Variants in YIPF1 observed in about 807,000 individuals in gnomAD.
YIPF1 encodes the protein protein YIPF1.
In YIPF1, 22 loss-of-function variants were observed where a neutral mutation model predicts 37.0. The ratio of observed to expected loss-of-function variants is 0.59; its 90% CI spans 0.42 to 0.85. The LOEUF (loss-of-function observed/expected upper bound fraction) is 0.85, where lower values mean the gene tolerates loss of function less well. YIPF1 is among the 40% of genes least tolerant of loss of function. The probability of loss-of-function intolerance (pLI) is 0.00; values close to 1 mark genes in which losing one functional copy is unlikely to be tolerated. For missense variants in YIPF1, 355 were observed against 373.1 expected, an observed-to-expected ratio of 0.95 and a Z score of 0.40; for synonymous variants, 128 against 131.9, an observed-to-expected ratio of 0.97 and a Z score of 0.21.
At chr1:53,883,535 CTGAG>C (rs1650560322) in intron 3 of YIPF1, among the ~76,000 whole-genome samples, 1 of 152,150 alleles carries the variant, frequency 6.6e-6, no homozygotes, top group South Asian at 2.1e-4. Flanking sequence ...ATACACAAGC[CTGAG>C]TAAGTAACTA....
intron 4 of YIPF1, among the ~76,000 whole-genome samples, chr1:53,879,155 T>C (rs1650419748): frequency 6.6e-6 from 1 of 151,912 alleles, no homozygotes; most frequent in South Asian, 2.1e-4. Context: ...AGTGCAGTAG[T>C]GCAATCATAG....
chr1:53,859,076 C>T (rs1412414560), intron 10 of YIPF1, among the ~76,000 whole-genome samples: 1 of 152,208 alleles, frequency 6.6e-6, no homozygotes, highest in African/African-American at 2.4e-5. Context: ...GCAGCAAGAT[C>T]ATGTGCAGAG....
chr1:53,871,330 A>G (rs1650185843), intron 7 of YIPF1, 42 bp downstream of exon 7: 1 of 1,574,252 alleles, frequency 6.4e-7, no homozygotes, highest in Non-Finnish European at 8.7e-7. Context: ...ACTCAAAGCT[A>G]GAAACTGACA....
chr1:53,881,310 C>A (rs899724834), intron 4 of YIPF1, among the ~76,000 whole-genome samples: 8 of 150,108 alleles, frequency 5.3e-5, no homozygotes, highest in African/African-American at 1.7e-4. Context: ...TAGGCATGGG[C>A]AAAGATTTCA....
At position 53,878,815 on chromosome 1, in the gene YIPF1, G is replaced by A; in HGVS notation, c.196-93C>T. On this transcript the variant is annotated intron_variant, in intron 4 of 10. Transcript: ENST00000072644. ...AGGAGGGATCTGATCTAATGGAAAA[G>A]CAAAACGTTTGAAACAATAGGCTCT... The A allele has an allele frequency of 1.2e-5, 14 of 1,205,206 alleles. No homozygotes were observed. In the South Asian group the frequency reaches 2.3e-4, roughly 19 times the overall value. The allele number at this position is 1,205,206 out of a possible 1,614,324, so 74.7% of individuals were successfully genotyped here. A position where few individuals can be genotyped will look rare whatever the true frequency, so the allele number is the denominator to read the frequency against.
At chr1:53,872,443 T>C (rs1163790610) in intron 6 of YIPF1, among the ~76,000 whole-genome samples, 1 of 152,200 alleles carries the variant, frequency 6.6e-6, no homozygotes, top group African/African-American at 2.4e-5. Context: ...TTTTCAATGG[T>C]TTTAAGATAT....
intron 4 of YIPF1, among the ~76,000 whole-genome samples, chr1:53,881,008 T>C (rs1489020490): frequency 6.6e-6 from 1 of 152,064 alleles, no homozygotes; most frequent in Admixed American, 6.6e-5. Flanking sequence ...CTCATGCCTG[T>C]AATCCCAGCA....
At chr1:53,853,000 C>T (rs953833163) in intron 10 of YIPF1, among the ~76,000 whole-genome samples, 4 of 152,134 alleles carry the variant, frequency 2.6e-5, no homozygotes, top group African/African-American at 9.7e-5. Flanking sequence ...AAAAATACTT[C>T]AGAGATAGAA....
chr1:53,881,495 T>A (rs1229188626), intron 4 of YIPF1, among the ~76,000 whole-genome samples: 1 of 151,998 alleles, frequency 6.6e-6, no homozygotes, highest in East Asian at 1.9e-4. Context: ...ATATCCAGAG[T>A]CTACAAAGTA....
chr1:53,866,178 G>T, intron 9 of YIPF1, 22 bp downstream of exon 9: 1 of 1,606,846 alleles, frequency 6.2e-7, no homozygotes, highest in Non-Finnish European at 8.5e-7. Flanking sequence ...CACACCAAAA[G>T]AATATACGAC....
intron 6 of YIPF1, among the ~76,000 whole-genome samples, chr1:53,874,375 A>C (rs546638621): frequency 8.7e-4 from 133 of 152,314 alleles, no homozygotes; most frequent in African/African-American, 3.2e-3. Context: ...TATAATTAAA[A>C]TTTCATATTA....
intron 4 of YIPF1, among the ~76,000 whole-genome samples, chr1:53,881,092 G>A (rs1033460652): frequency 2.0e-5 from 3 of 151,782 alleles, no homozygotes; most frequent in Non-Finnish European, 2.9e-5. Context: ...GTGAAACCCC[G>A]TCTCTACTAA....
rs905080267 is a variant in YIPF1 at position 53,861,475 on chromosome 1, G to A, written c.832-1322C>T. Among the ~76,000 whole-genome samples, 7 of 152,226 alleles carry A rather than the reference G, an allele frequency of 4.6e-5. No individual in the cohort carries two copies. In the South Asian group the frequency reaches 6.2e-4, roughly 14 times the overall value. On this transcript the variant is annotated intron_variant, in intron 9 of 10. Coordinates refer to ENST00000072644, the MANE Select transcript of YIPF1 (RefSeq NM_018982.5). Reference sequence around the variant, plus strand: ...GCTATTAGCTCACACTGTGACTTTGGACAAGTCGCTCCACCTGCTTTGGCC... The same window carrying A: ...GCTATTAGCTCACACTGTGACTTTGAACAAGTCGCTCCACCTGCTTTGGCC...
intron 9 of YIPF1, among the ~76,000 whole-genome samples, chr1:53,862,631 A>G (rs1287290626): frequency 6.6e-6 from 1 of 152,140 alleles, no homozygotes. Flanking sequence ...AGGCAAAAAC[A>G]CCAATCCGTG....
At chr1:53,884,320 T>A (rs941230326) in intron 3 of YIPF1, among the ~76,000 whole-genome samples, 1 of 152,106 alleles carries the variant, frequency 6.6e-6, no homozygotes, top group Non-Finnish European at 1.5e-5. Flanking sequence ...TTTAGTATAT[T>A]TCCTTTTCTT....
At chr1:53,881,804 T>C (rs879500564) in intron 4 of YIPF1, among the ~76,000 whole-genome samples, 2 of 152,200 alleles carry the variant, frequency 1.3e-5, no homozygotes, top group Non-Finnish European at 2.9e-5. Flanking sequence ...AGTGTGGCGA[T>C]TCCTCAAAGA....
chr1:53,886,380 C>CT (rs1414191568), intron 3 of YIPF1, among the ~76,000 whole-genome samples: 1 of 151,942 alleles, frequency 6.6e-6, no homozygotes, highest in African/African-American at 2.4e-5. Flanking sequence ...GAGCATAAAA[C>CT]TGGTATGTGT....
chr1:53,869,353 AATAGTT>A lies in YIPF1; in HGVS notation c.481+2013_481+2018del, dbSNP rs558206849. On this transcript the variant is annotated intron_variant, in intron 7 of 10. Transcript: ENST00000072644. ...TTTTGTGTGTGTGTGTGTGTATAGT[AATAGTT>A]AATGTTTATTGAACTCTTTTTGGTA... 1.4e-3 allele frequency among the ~76,000 whole-genome samples: 210 copies of A among 152,188 alleles called. 1 individual carries two copies. Among genetic ancestry groups the A allele is most frequent in the African/African-American group, 4.5e-3 (185 of 41,524 alleles).
intron 9 of YIPF1, among the ~76,000 whole-genome samples, chr1:53,865,907 C>G (rs548604419): frequency 1.4e-4 from 21 of 152,210 alleles, no homozygotes; most frequent in African/African-American, 4.6e-4. Context: ...CTCAGCCTCC[C>G]AAGTACCAGC....
Sources: allele counts gnomAD v4.1 joint callset (sites outside exome capture counted in the v4.1 genomes callset), GRCh38; gene constraint gnomAD v4.1.1; transcripts MANE v1.5; gene names NCBI Gene and HGNC (gene_info 2026-07-23, HGNC 2026-07-21).